Variants in AIF1L observed in about 807,000 individuals in gnomAD.
The protein encoded by AIF1L is allograft inflammatory factor 1-like.
In AIF1L, 12 loss-of-function variants were observed where a neutral mutation model predicts 20.7. That is an observed-to-expected ratio of 0.58 (90% CI 0.37 to 0.94). The LOEUF (loss-of-function observed/expected upper bound fraction) is 0.94, where lower values mean the gene tolerates loss of function less well. AIF1L is among the 40% of genes least tolerant of loss of function. The pLI, the probability that AIF1L is intolerant of heterozygous loss-of-function variation, is 0.01. For synonymous variants in AIF1L, 76 were observed against 65.1 expected (o/e 1.17, Z -0.81); for missense variants, 173 against 185.3 (o/e 0.93, Z 0.39).
chr9:131,110,198 C>A (rs1188909432), intron 2 of AIF1L, among the ~76,000 whole-genome samples: 1 of 152,112 alleles, frequency 6.6e-6, no homozygotes, highest in Non-Finnish European at 1.5e-5. Flanking sequence ...GATGACAGAG[C>A]AAGACCCTGT....
At chr9:131,106,336 G>C (rs1312076649) in intron 2 of AIF1L, 1 of 1,106,064 alleles carries the variant, frequency 9.0e-7, no homozygotes, top group African/African-American at 1.6e-5. Context: ...CTGCTATGTG[G>C]AACCTACATT....
intron 4 of AIF1L, among the ~76,000 whole-genome samples, chr9:131,115,449 CAAAAAAAAAAAA>C (rs746698091): frequency 5.0e-5 from 3 of 60,402 alleles, no homozygotes; most frequent in Admixed American, 5.8e-4. Context: ...GATTCTGTCT[CAAAAAAAAAAAA>C]AAAAAAAAAA....
At chr9:131,106,796 T>C (rs1392859434) in intron 2 of AIF1L, among the ~76,000 whole-genome samples, 2 of 118,018 alleles carry the variant, frequency 1.7e-5, no homozygotes, top group Non-Finnish European at 3.5e-5. Flanking sequence ...TTCGGCCGCA[T>C]TGAGAAGGTG....
chr9:131,098,978 T>C (rs1420301609), intron 2 of AIF1L, among the ~76,000 whole-genome samples: 1 of 152,192 alleles, frequency 6.6e-6, no homozygotes, highest in African/African-American at 2.4e-5. Context: ...AAGCTTGAGC[T>C]GCTTCACCAC....
intron 2 of AIF1L, among the ~76,000 whole-genome samples, chr9:131,097,608 C>G (rs1304770689): frequency 6.6e-6 from 1 of 152,224 alleles, no homozygotes; most frequent in African/African-American, 2.4e-5. Flanking sequence ...GCCAGGCATC[C>G]AGTGAGAGCT....
In AIF1L at chr9:131,111,878, C is replaced by A. The variant is rs899565882; in HGVS notation, c.160+215C>A. 8 of 576,114 alleles carry A rather than the reference C, an allele frequency of 1.4e-5. No homozygotes were observed. In the African/African-American group the frequency reaches 1.5e-4, roughly 11 times the overall value. 35.7% of individuals were successfully genotyped at this position (576,114 alleles called of 1,614,324 possible). ...TCCCTGCCCCTGCGGGCCCCGTCAC[C>A]CCTCGCCTGCAGCCCGGTCCTGGCC... On this transcript the variant is annotated intron_variant, in intron 3 of 5. Coordinates refer to ENST00000247291, the MANE Select transcript of AIF1L (RefSeq NM_031426.4).
At chr9:131,108,043 C>T (rs12553080) in intron 2 of AIF1L, 35,496 of 151,764 alleles carry the variant, frequency 0.23, 4,558 homozygotes, top group African/African-American at 0.33. Flanking sequence ...CGGGGCCGTG[C>T]CCAGTGCATT....
chr9:131,097,148 G>A (rs1374097642), intron 2 of AIF1L, among the ~76,000 whole-genome samples: 1 of 152,148 alleles, frequency 6.6e-6, no homozygotes, highest in African/African-American at 2.4e-5. Flanking sequence ...CCGGCTCGTG[G>A]CTCCCCGCAA....
Position 131,121,955 on chromosome 9 carries a change from TTTA to T in AIF1L, c.*1637_*1639del, listed in dbSNP as rs1267307926. The T allele has an allele frequency of 3.3e-5, 5 of 152,252 alleles. No individual in the cohort carries two copies. Among genetic ancestry groups the T allele is most frequent in the African/African-American group, 1.2e-4 (5 of 41,452 alleles). 9.4% of individuals were successfully genotyped at this position (152,252 alleles called of 1,614,324 possible). On this transcript the variant is annotated 3_prime_UTR_variant, in exon 6 of 6. Coordinates refer to ENST00000247291, the MANE Select transcript of AIF1L (RefSeq NM_031426.4). ...CTGAGACAGTTATTCACTGAACATATTTATTAAGCACTTGCTGTAGGCCAACAG... is the reference window on the plus strand; with the variant it reads ...CTGAGACAGTTATTCACTGAACATATTTAAGCACTTGCTGTAGGCCAACAG...
At chr9:131,100,406 G>A (rs777018418) in intron 2 of AIF1L, among the ~76,000 whole-genome samples, 6 of 152,312 alleles carry the variant, frequency 3.9e-5, no homozygotes, top group Middle Eastern at 3.4e-3. Flanking sequence ...ATTATCTTGC[G>A]AATGCTCTCT....
At chr9:131,097,654 GAT>G (rs1830556774) in intron 2 of AIF1L, among the ~76,000 whole-genome samples, 1 of 152,264 alleles carries the variant, frequency 6.6e-6, no homozygotes, top group African/African-American at 2.4e-5. Flanking sequence ...GATAAGGAAA[GAT>G]ATCAGGACCT....
At chr9:131,099,092 A>T (rs556606607) in intron 2 of AIF1L, among the ~76,000 whole-genome samples, 48 of 152,290 alleles carry the variant, frequency 3.2e-4, no homozygotes, top group African/African-American at 1.1e-3. Flanking sequence ...TTCTCCAAAA[A>T]GATAATGGTT....
chr9:131,097,533 T>A (rs1830555520), intron 2 of AIF1L, among the ~76,000 whole-genome samples: 1 of 152,210 alleles, frequency 6.6e-6, no homozygotes, highest in Non-Finnish European at 1.5e-5. Flanking sequence ...AAGATTGCCT[T>A]AAGGGATTCA....
Position 131,121,440 on chromosome 9 carries a change from G to A in AIF1L, c.*1118G>A, listed in dbSNP as rs919593743. ...CTTGGGAATTGAACTGGGGTCACCTGTGTCCTTTCTTATGGACTCGCAGGA... is the reference window on the plus strand; with the variant it reads ...CTTGGGAATTGAACTGGGGTCACCTATGTCCTTTCTTATGGACTCGCAGGA... On this transcript the variant is annotated 3_prime_UTR_variant, in exon 6 of 6. Transcript: ENST00000247291. 1.1e-5 allele frequency: 3 copies of A among 277,246 alleles called. No individual in the cohort carries two copies. The highest frequency in any genetic ancestry group is 2.0e-5 in the Non-Finnish European group (3 of 148,502). 17.2% of individuals were successfully genotyped at this position (277,246 alleles called of 1,614,324 possible). A position where few individuals can be genotyped will look rare whatever the true frequency, so the allele number is the denominator to read the frequency against.
intron 2 of AIF1L, among the ~76,000 whole-genome samples, chr9:131,104,015 A>G (rs898431271): frequency 1.3e-5 from 2 of 152,122 alleles, no homozygotes; most frequent in African/African-American, 4.8e-5. Flanking sequence ...GGCTGGGTGG[A>G]TAATTTAACA....
In AIF1L at chr9:131,102,900, T is replaced by C. The variant is rs755050284; in HGVS notation, c.93+6037T>C. Reference sequence around the variant, plus strand: ...CCTTGGATGGCCTCCAAGATGGTGATATCCGCCCACCCCAAAATTCTGCTG... The same window carrying C: ...CCTTGGATGGCCTCCAAGATGGTGACATCCGCCCACCCCAAAATTCTGCTG... On this transcript the variant is annotated intron_variant, in intron 2 of 5. Coordinates refer to ENST00000247291, the MANE Select transcript of AIF1L (RefSeq NM_031426.4). The C allele has an allele frequency of 8.4e-4, 383 of 456,266 alleles. 4 individuals carry two copies. Among genetic ancestry groups the C allele is most frequent in the Admixed American group, 1.9e-3 (80 of 42,580 alleles). The allele number at this position is 456,266 out of a possible 1,614,324, so 28.3% of individuals were successfully genotyped here. A position where few individuals can be genotyped will look rare whatever the true frequency, so the allele number is the denominator to read the frequency against.
intron 3 of AIF1L, chr9:131,111,981 C>T (rs1464302592): frequency 5.3e-6 from 2 of 376,588 alleles, no homozygotes; most frequent in Non-Finnish European, 9.9e-6. Context: ...CCGTCACTCC[C>T]GGGCCCCGCA....
At position 131,113,487 on chromosome 9, in the gene AIF1L, G is replaced by A. The variant is rs1376152587; in HGVS notation, c.161-1090G>A. On this transcript the variant is annotated intron_variant, in intron 3 of 5. Transcript: ENST00000247291. ...CACTCAAGCCTTGGTGACAGAATGA[G>A]ACTCCATCTCAAAAAAAAAAAAAAA... 1.3e-4 allele frequency among the ~76,000 whole-genome samples: 14 copies of A among 107,312 alleles called. No individual in the cohort carries two copies. The East Asian group carries it at 3.5e-3, about 27-fold the overall frequency. 70.4% of individuals were successfully genotyped at this position (107,312 alleles called of 152,430 possible).
At position 131,107,070 on chromosome 9, in the gene AIF1L, C is replaced by A. The variant is rs570539499; in HGVS notation, c.94-4527C>A. ...ATCGCGCCACTGCACTCCAGCCTGG[C>A]GACAGAGTGAGACTCCGTCCCAAAA... On this transcript the variant is annotated intron_variant, in intron 2 of 5. Coordinates refer to ENST00000247291, the MANE Select transcript of AIF1L (RefSeq NM_031426.4). Among the ~76,000 whole-genome samples the A allele has an allele frequency of 2.0e-5, 3 of 151,934 alleles. No individual in the cohort carries two copies. The South Asian group carries it at 6.2e-4, about 32-fold the overall frequency.
Sources: gnomAD v4.1 joint callset for allele counts (sites outside exome capture counted in the v4.1 genomes callset) on GRCh38, gnomAD v4.1.1 for gene constraint, MANE v1.5 for transcripts, NCBI Gene and HGNC (gene_info 2026-07-23, HGNC 2026-07-21) for gene names.